The following PRDX4 variants were observed in gnomAD, a reference collection of about 807,000 sequenced individuals.
PRDX4 encodes the protein peroxiredoxin 4.
A neutral mutation model predicts 20.5 loss-of-function variants in PRDX4; 12 were observed. The ratio of observed to expected loss-of-function variants is 0.58; its 90% CI spans 0.37 to 0.95. The LOEUF is 0.95. Ranked by LOEUF, PRDX4 falls within the 40% of genes least tolerant of loss-of-function variation. The pLI, the probability that PRDX4 is intolerant of heterozygous loss-of-function variation, is 0.01. For missense variants in PRDX4, 180 were observed against 207.3 expected, an observed-to-expected ratio of 0.87 and a Z score of 0.81; for synonymous variants, 99 against 87.5, an observed-to-expected ratio of 1.13 and a Z score of -0.73.
Position 23,682,480 on chromosome X carries a change from A to G in PRDX4, c.684A>G (p.Thr228=). ...DLPVGRSVDE[T]LRLVQAFQYT... ...CTGTGGGTAGATCAGTGGATGAGAC[A>G]CTACGTTTGGTTCAAGCATTCCAGT... Residue 228 remains threonine (T), a synonymous_variant, in exon 5 of 7, where the codon ACA becomes ACG. Coordinates refer to ENST00000379341, the MANE Select transcript of PRDX4 (RefSeq NM_006406.2). 3 of 1,183,534 alleles carry G rather than the reference A, an allele frequency of 2.5e-6. No homozygotes were observed. The South Asian group carries it at 5.5e-5, about 22-fold the overall frequency.
At chrX:23,679,024 T>C (rs1928006364) in intron 3 of PRDX4, 141 bp from the exon 4 acceptor site, 4 of 597,553 alleles carry the variant, frequency 6.7e-6, no homozygotes, top group Admixed American at 7.1e-5. Flanking sequence ...AGCAAGAAAA[T>C]AGAAAGTATA....
intron 4 of PRDX4, among the ~76,000 whole-genome samples, chrX:23,682,093 C>T (rs1278225150): frequency 8.9e-6 from 1 of 112,078 alleles, no homozygotes; most frequent in East Asian, 2.8e-4. Context: ...TGTACATATG[C>T]ACATAGTTTT....
chrX:23,686,227 T>G, intron 6 of PRDX4, 58 bp from the exon 7 acceptor site: 1 of 947,972 alleles, frequency 1.1e-6, no homozygotes, highest in East Asian at 3.2e-5. Context: ...GTCAGACTAC[T>G]CATTATGTAC....
chrX:23,672,401 T>A (rs1455127533), intron 2 of PRDX4, among the ~76,000 whole-genome samples: 1 of 112,427 alleles, frequency 8.9e-6, no homozygotes, highest in Non-Finnish European at 1.9e-5. Flanking sequence ...GCTTAAGGAA[T>A]AAGGAATAAC....
rs369302623 is a variant in PRDX4, at chrX:23,675,017, C to T, written c.387C>T (p.Ile129=). The change falls in exon 3 of 7, where the codon ATC becomes ATT. Residue 129 remains isoleucine (I), a synonymous_variant. Coordinates refer to ENST00000379341, the MANE Select transcript of PRDX4 (RefSeq NM_006406.2). ...DFTFVCPTEI[I]AFGDRLEEFR... is the part of the protein sequence containing the mutation. ...CATTTGTGTGTCCAACTGAAATTAT[C>T]GCTTTTGGCGACAGACTTGAAGAAT... The T allele has an allele frequency of 8.3e-6, 10 of 1,204,963 alleles. No individual in the cohort carries two copies. Among genetic ancestry groups the T allele is most frequent in the Non-Finnish European group, 9.0e-6 (8 of 892,996 alleles).
Position 23,686,269 on chromosome X carries a change from C to T in PRDX4, c.766-16C>T, listed in dbSNP as rs1555933521. 9.5e-6 allele frequency: 11 copies of T among 1,158,712 alleles called. No homozygotes were observed. In the South Asian group the frequency reaches 1.0e-4, roughly 11 times the overall value. On this transcript the variant is annotated splice_polypyrimidine_tract_variant and intron_variant, in intron 6 of 6. Transcript: ENST00000379341. The stretch of plus-strand genomic sequence containing the variant: ...TTTAAAATGAATAATTTCCTTTCTT[C>T]GTTTTGTTTTAACAGATAATCCCAG...
At chrX:23,674,959 T>C in intron 2 of PRDX4, 31 bp from the exon 3 acceptor site, 1 of 1,198,600 alleles carries the variant, frequency 8.3e-7, no homozygotes, top group East Asian at 3.0e-5. Flanking sequence ...ATTTGGAGAA[T>C]ACTGAATATT....
At chrX:23,673,212 A>G (rs1359703165) in intron 2 of PRDX4, among the ~76,000 whole-genome samples, 2 of 112,316 alleles carry the variant, frequency 1.8e-5, no homozygotes, top group African/African-American at 3.2e-5. Flanking sequence ...CATAATGGGT[A>G]AGAGATAGTT....
intron 6 of PRDX4, among the ~76,000 whole-genome samples, chrX:23,685,734 G>A (rs2146796963): frequency 9.1e-6 from 1 of 109,714 alleles, no homozygotes; most frequent in South Asian, 3.9e-4. Context: ...AGGATTCTAA[G>A]GCTGTGATGC....
At chrX:23,684,382 G>A (rs1200322965) in intron 6 of PRDX4, among the ~76,000 whole-genome samples, 1 of 111,763 alleles carries the variant, frequency 8.9e-6, no homozygotes, top group Non-Finnish European at 1.9e-5. Flanking sequence ...ACCTTTCTAT[G>A]CATAGTAAGA....
rs1442157682 is a variant in PRDX4 at position 23,679,223 on chromosome X, G to C, written c.535G>C (p.Asp179His). ...LGPIRIPLLS[D>H]LTHQISKDYG... Reference sequence around the variant, plus strand: ...GCCAATAAGGATTCCACTTCTTTCAGATTTGACCCATCAGATCTCAAAGGA... The same window carrying C: ...GCCAATAAGGATTCCACTTCTTTCACATTTGACCCATCAGATCTCAAAGGA... Residue 179 changes from aspartate to histidine, a missense_variant, in exon 4 of 7, where the codon GAT becomes CAT. Transcript: ENST00000379341. 3.3e-6 allele frequency: 4 copies of C among 1,204,879 alleles called. No individual in the cohort carries two copies. The highest frequency in any genetic ancestry group is 4.5e-6 in the Non-Finnish European group (4 of 890,980).
At chrX:23,682,664 C>A in intron 5 of PRDX4, 138 bp downstream of exon 5, 2 of 425,287 alleles carry the variant, frequency 4.7e-6, no homozygotes, top group Non-Finnish European at 6.6e-6. Flanking sequence ...TTTAACAGAC[C>A]AAATTATAAT....
At chrX:23,675,367 G>T (rs1225317274) in intron 3 of PRDX4, 2 of 475,633 alleles carry the variant, frequency 4.2e-6, no homozygotes, top group Non-Finnish European at 6.5e-6. Flanking sequence ...AAATGCAATA[G>T]ATGTGATTTC....
chrX:23,680,499 GA>G (rs1021201242), intron 4 of PRDX4, among the ~76,000 whole-genome samples: 4 of 111,803 alleles, frequency 3.6e-5, no homozygotes, highest in African/African-American at 1.3e-4. Flanking sequence ...AGTTTTTCTT[GA>G]ATGTTTTATG....
At chrX:23,667,968 AGGG>A (rs1376816328) in intron 1 of PRDX4, among the ~76,000 whole-genome samples, 157 bp downstream of exon 1, 1 of 111,880 alleles carries the variant, frequency 8.9e-6, no homozygotes, top group African/African-American at 3.2e-5. Context: ...AGGGGAATAA[AGGG>A]GAGTTCTAGC....
At position 23,675,125 on chromosome X, in the gene PRDX4, T is replaced by C. The variant is rs756558119; in HGVS notation, c.476+19T>C. 1.5e-5 allele frequency: 18 copies of C among 1,211,381 alleles called. No homozygotes were observed. The highest frequency in any genetic ancestry group is 1.1e-5 in the Non-Finnish European group (10 of 895,337). Reference sequence around the variant, plus strand: ...TGGCCTGGTCAGTATCTTACACTTATATTCGTAGAAAAAAAAGAATGGATT... The same window carrying C: ...TGGCCTGGTCAGTATCTTACACTTACATTCGTAGAAAAAAAAGAATGGATT... On this transcript the variant is annotated intron_variant, in intron 3 of 6. Transcript: ENST00000379341.
intron 4 of PRDX4, among the ~76,000 whole-genome samples, chrX:23,681,568 T>C (rs758069112): frequency 8.9e-6 from 1 of 112,500 alleles, no homozygotes; most frequent in Admixed American, 9.5e-5. Flanking sequence ...TTGTACTTGC[T>C]AAGTATTTAA....
chrX:23,686,339 A>G lies in PRDX4; in HGVS notation c.*4A>G, dbSNP rs774756052. 2.6e-6 allele frequency: 3 copies of G among 1,167,554 alleles called. No homozygotes were observed. The highest frequency in any genetic ancestry group is 1.9e-5 in the South Asian group (1 of 52,242). On this transcript the variant is annotated 3_prime_UTR_variant, in exon 7 of 7. Transcript: ENST00000379341. The stretch of plus-strand genomic sequence containing the variant: ...GTATTTCGATAAACTGAATTGAGAA[A>G]TACTTCTTCAAGTTATGATGCTTGA...
chrX:23,669,115 G>A (rs922902873), intron 1 of PRDX4, among the ~76,000 whole-genome samples: 1 of 110,824 alleles, frequency 9.0e-6, no homozygotes, highest in Non-Finnish European at 1.9e-5. Flanking sequence ...TAGTAGAGAC[G>A]GGGTTTCACT....
Sources: allele counts gnomAD v4.1 joint callset (sites outside exome capture counted in the v4.1 genomes callset), GRCh38; gene constraint gnomAD v4.1.1; transcripts MANE v1.5; gene names NCBI Gene and HGNC (gene_info 2026-07-23, HGNC 2026-07-21).